Variants in ADCY2 observed in about 807,000 individuals in gnomAD.
The protein encoded by ADCY2 is adenylate cyclase 2, also known as adenylate cyclase type 2.
In ADCY2, 31 loss-of-function variants were observed where a neutral mutation model predicts 125.2. That is an observed-to-expected ratio of 0.25 (90% CI 0.19 to 0.33). ADCY2 has a LOEUF of 0.33. Among genes scored for constraint, ADCY2 ranks in the 10% least tolerant of loss-of-function variants. The pLI is 1.00. For synonymous variants in ADCY2, 512 were observed against 548.4 expected, an observed-to-expected ratio of 0.93 and a Z score of 0.93; for missense variants, 904 against 1,418.2, an observed-to-expected ratio of 0.64 and a Z score of 5.82.
chr5:7,455,124 G>A (rs1741621532), intron 2 of ADCY2, among the ~76,000 whole-genome samples: 1 of 152,046 alleles, frequency 6.6e-6, no homozygotes, highest in East Asian at 1.9e-4. Flanking sequence ...CACAAACTTA[G>A]CATACTGCCA....
At chr5:7,597,680 G>A (rs1161182317) in intron 3 of ADCY2, among the ~76,000 whole-genome samples, 2 of 152,196 alleles carry the variant, frequency 1.3e-5, no homozygotes, top group Non-Finnish European at 2.9e-5. Context: ...GGGAGGCTGA[G>A]GTGGGAGGAT....
intron 2 of ADCY2, among the ~76,000 whole-genome samples, chr5:7,477,687 T>G (rs964418688): frequency 3.3e-5 from 5 of 152,172 alleles, no homozygotes; most frequent in Non-Finnish European, 4.4e-5. Flanking sequence ...TGCATTTCTG[T>G]GTTTTTAGAT....
intron 4 of ADCY2, among the ~76,000 whole-genome samples, chr5:7,687,295 C>T (rs1191146057): frequency 6.6e-6 from 1 of 152,120 alleles, no homozygotes; most frequent in Non-Finnish European, 1.5e-5. Flanking sequence ...ATATTTGATT[C>T]TCTTTTTTTG....
chr5:7,510,864 T>A (rs1024422545), intron 2 of ADCY2, among the ~76,000 whole-genome samples: 3 of 152,064 alleles, frequency 2.0e-5, no homozygotes, highest in Non-Finnish European at 2.9e-5. Context: ...ATATGAAGAG[T>A]TGTGATACTC....
chr5:7,403,351 C>T (rs2111443271), intron 1 of ADCY2, among the ~76,000 whole-genome samples: 1 of 152,222 alleles, frequency 6.6e-6, no homozygotes, highest in Middle Eastern at 3.4e-3. Context: ...GAAATGTTAG[C>T]ATAGTTCAGA....
At chr5:7,462,442 C>A (rs1456425361) in intron 2 of ADCY2, among the ~76,000 whole-genome samples, 1 of 152,184 alleles carries the variant, frequency 6.6e-6, no homozygotes, top group African/African-American at 2.4e-5. Flanking sequence ...CTGCTATCTT[C>A]TTGACATTGA....
At chr5:7,708,728 C>T (rs764670750) in intron 9 of ADCY2, among the ~76,000 whole-genome samples, 8 of 152,104 alleles carry the variant, frequency 5.3e-5, no homozygotes, top group Non-Finnish European at 1.2e-4. Flanking sequence ...GCTTGATGAT[C>T]GATCTGGAGA....
chr5:7,416,575 C>A (rs75250128), intron 2 of ADCY2, among the ~76,000 whole-genome samples: 1 of 152,140 alleles, frequency 6.6e-6, no homozygotes, highest in African/African-American at 2.4e-5. Context: ...CTGCAGATGA[C>A]CATACTATCT....
intron 7 of ADCY2, among the ~76,000 whole-genome samples, chr5:7,701,872 T>A (rs769415947): frequency 6.6e-6 from 1 of 152,182 alleles, no homozygotes; most frequent in African/African-American, 2.4e-5. Flanking sequence ...ATATACCACA[T>A]TTTATTTATT....
chr5:7,761,341 GGTTTC>G (rs1489912094), intron 16 of ADCY2, among the ~76,000 whole-genome samples: 2 of 151,750 alleles, frequency 1.3e-5, no homozygotes, highest in East Asian at 3.9e-4. Flanking sequence ...GTAGAGATGC[GGTTTC>G]ACCATGCTGG....
chr5:7,632,039 C>A lies in ADCY2; in HGVS notation c.720+5723C>A, dbSNP rs1738327617. On this transcript the variant is annotated intron_variant, in intron 4 of 24. Transcript: ENST00000338316. ...AACAGTTATGTACCTTTTCATAAAG[C>A]CAAGCTGGACATTAATAGTGTGAGA... Among the ~76,000 whole-genome samples the A allele has an allele frequency of 2.6e-5, 4 of 152,232 alleles. No homozygotes were observed. The South Asian group carries it at 8.3e-4, about 32-fold the overall frequency.
intron 1 of ADCY2, among the ~76,000 whole-genome samples, chr5:7,412,529 A>G (rs1259944822): frequency 6.6e-6 from 1 of 152,214 alleles, no homozygotes; most frequent in East Asian, 1.9e-4. Flanking sequence ...GCAGCCTGGC[A>G]GACACCTAAT....
At chr5:7,715,155 C>G (rs1741558532) in intron 11 of ADCY2, among the ~76,000 whole-genome samples, 1 of 152,188 alleles carries the variant, frequency 6.6e-6, no homozygotes, top group South Asian at 2.1e-4. Flanking sequence ...ACTGCAGAGA[C>G]AAGAAAAGTG....
At chr5:7,583,544 A>C (rs1247369843) in intron 3 of ADCY2, among the ~76,000 whole-genome samples, 1 of 152,092 alleles carries the variant, frequency 6.6e-6, no homozygotes, top group Admixed American at 6.5e-5. Context: ...ATGCAAATTG[A>C]AACCAGAATG....
intron 6 of ADCY2, 79 bp from the exon 7 acceptor site, chr5:7,698,168 G>T: frequency 1.9e-6 from 3 of 1,565,144 alleles, no homozygotes; most frequent in East Asian, 2.2e-5. Context: ...AGCAGAGCTG[G>T]CGCTTGATGA....
At chr5:7,780,393 G>T (rs1048036133) in intron 18 of ADCY2, among the ~76,000 whole-genome samples, 23 of 152,242 alleles carry the variant, frequency 1.5e-4, no homozygotes, top group African/African-American at 4.8e-4. Context: ...GAGGATTTGG[G>T]GGTCACTTGT....
At chr5:7,553,809 A>G (rs980148364) in intron 3 of ADCY2, among the ~76,000 whole-genome samples, 2 of 152,218 alleles carry the variant, frequency 1.3e-5, no homozygotes, top group African/African-American at 4.8e-5. Flanking sequence ...GGAGCACCCA[A>G]TCCTCTGATT....
chr5:7,566,588 A>C (rs1735900658), intron 3 of ADCY2, among the ~76,000 whole-genome samples: 1 of 152,106 alleles, frequency 6.6e-6, no homozygotes, highest in Non-Finnish European at 1.5e-5. Context: ...CTTCTTACTA[A>C]GTGTGTTTGT....
intron 2 of ADCY2, among the ~76,000 whole-genome samples, chr5:7,467,438 G>T (rs1240687163): frequency 6.6e-6 from 1 of 152,166 alleles, no homozygotes; most frequent in East Asian, 1.9e-4. Context: ...GACCGCCGTG[G>T]AGAAGGGTCC....
Sources: allele counts gnomAD v4.1 joint callset (sites outside exome capture counted in the v4.1 genomes callset), GRCh38; gene constraint gnomAD v4.1.1; transcripts MANE v1.5; gene names NCBI Gene and HGNC (gene_info 2026-07-23, HGNC 2026-07-21).